SMG1: variants seen among roughly 807,000 people sequenced by gnomAD.
SMG1 encodes SMG1 nonsense mediated mRNA decay associated PI3K related kinase.
In SMG1, 22 loss-of-function variants were observed where a neutral mutation model predicts 419.9. The observed-to-expected ratio is 0.05, with a 90% CI of 0.04 to 0.07. SMG1 has a LOEUF of 0.07. Among genes scored for constraint, SMG1 ranks in the 10% least tolerant of loss-of-function variants. SMG1 has a pLI of 1.00. For synonymous variants in SMG1, 1,538 were observed against 1,553.5 expected, an observed-to-expected ratio of 0.99 and a Z score of 0.23; for missense variants, 3,185 against 4,342.0, an observed-to-expected ratio of 0.73 and a Z score of 7.49.
intron 56 of SMG1, among the ~76,000 whole-genome samples, chr16:18,817,753 T>A (rs866533359): frequency 5.9e-5 from 9 of 152,186 alleles, no homozygotes; most frequent in Admixed American, 2.0e-4. Flanking sequence ...TACTCCACAA[T>A]AAAGCTGTTA....
At chr16:18,881,561 C>T (rs2036398973) in intron 10 of SMG1, among the ~76,000 whole-genome samples, 1 of 152,116 alleles carries the variant, frequency 6.6e-6, no homozygotes, top group Non-Finnish European at 1.5e-5. Context: ...ATCACACATG[C>T]TTCTTTCTCC....
At chr16:18,846,832 G>A (rs1281462342) in intron 38 of SMG1, among the ~76,000 whole-genome samples, 2 of 152,162 alleles carry the variant, frequency 1.3e-5, no homozygotes, top group African/African-American at 4.8e-5. Context: ...TAAGTCAGAC[G>A]TAGAATTGCC....
In SMG1 at chr16:18,874,592, G is replaced by A. The variant is rs550612248; in HGVS notation, c.1890+1532C>T. Among the ~76,000 whole-genome samples the A allele has an allele frequency of 3.6e-4, 52 of 145,762 alleles. 1 individual carries two copies. In the South Asian group the frequency reaches 7.4e-3, roughly 21 times the overall value. ...AAAAAAAAAAAAAAGCAGGCTGGGC[G>A]CGGTGGCTCACGCCTGTAATTCCAG... On this transcript the variant is annotated intron_variant, in intron 13 of 62. Transcript: ENST00000446231.
intron 1 of SMG1, among the ~76,000 whole-genome samples, chr16:18,914,733 A>T (rs2037906908): frequency 6.6e-6 from 1 of 152,110 alleles, no homozygotes; most frequent in African/African-American, 2.4e-5. Flanking sequence ...ATCAGCAGGC[A>T]CGCAACTGAC....
chr16:18,917,804 C>T (rs2038035723), intron 1 of SMG1, among the ~76,000 whole-genome samples: 1 of 151,278 alleles, frequency 6.6e-6, no homozygotes, highest in Non-Finnish European at 1.5e-5. Flanking sequence ...CTCGAACTCC[C>T]CACCTCAGGA....
At chr16:18,871,621 A>C (rs980515287) in intron 15 of SMG1, 139 bp from the exon 16 acceptor site, 4 of 461,622 alleles carry the variant, frequency 8.7e-6, no homozygotes, top group Non-Finnish European at 1.6e-5. Flanking sequence ...TAAAAAAATG[A>C]AACTATAGAA....
chr16:18,815,411 T>C (rs538275534), intron 59 of SMG1, 29 bp downstream of exon 59: 2 of 1,609,978 alleles, frequency 1.2e-6, no homozygotes, highest in East Asian at 4.5e-5. Context: ...ACTTATGTTT[T>C]ATAAATTCTG....
intron 62 of SMG1, among the ~76,000 whole-genome samples, chr16:18,811,523 G>C (rs2031393692): frequency 6.6e-6 from 1 of 152,166 alleles, no homozygotes; most frequent in African/African-American, 2.4e-5. Flanking sequence ...AGGAGGATCG[G>C]ACTTATATTT....
chr16:18,827,000 C>A (rs1243242444), intron 55 of SMG1, among the ~76,000 whole-genome samples: 1 of 39,914 alleles, frequency 2.5e-5, no homozygotes, highest in Non-Finnish European at 7.1e-5. Context: ...GCGTAATATT[C>A]GGGTGGGAGT....
chr16:18,810,463 A>C (rs1471144791), intron 62 of SMG1, among the ~76,000 whole-genome samples: 5 of 152,206 alleles, frequency 3.3e-5, no homozygotes, highest in Admixed American at 6.5e-5. Context: ...AAGAAGTAGG[A>C]CAAGGATGGA....
intron 11 of SMG1, chr16:18,879,104 A>G (rs2036273284): frequency 1.1e-5 from 3 of 283,164 alleles, no homozygotes; most frequent in Admixed American, 5.0e-5. Context: ...TAATATAATA[A>G]AGCAAAGCCC....
At chr16:18,813,716 T>C (rs2031698654) in intron 60 of SMG1, among the ~76,000 whole-genome samples, 1 of 152,210 alleles carries the variant, frequency 6.6e-6, no homozygotes, top group African/African-American at 2.4e-5. Context: ...CTTTTGGTGT[T>C]TTAGACATGG....
chr16:18,916,077 AAAAAAAAAAAAACCAG>A (rs2037962150), intron 1 of SMG1, among the ~76,000 whole-genome samples: 3 of 122,680 alleles, frequency 2.4e-5, no homozygotes, highest in Non-Finnish European at 3.3e-5. Flanking sequence ...CTCAAAAAAA[AAAAAAAAAAAAACCAG>A]AAAAAAAAAA....
At chr16:18,916,091 C>CAAAAA (rs1207251735) in intron 1 of SMG1, among the ~76,000 whole-genome samples, 2 of 72,236 alleles carry the variant, frequency 2.8e-5, no homozygotes, top group African/African-American at 5.6e-5. Context: ...AAAAAAAAAC[C>CAAAAA]AGAAAAAAAA....
chr16:18,854,363 T>C (rs970875149), intron 30 of SMG1, among the ~76,000 whole-genome samples: 2 of 152,056 alleles, frequency 1.3e-5, no homozygotes, highest in African/African-American at 4.8e-5. Flanking sequence ...GCTCAGATTG[T>C]AAGCATAAGC....
chr16:18,884,846 T>C, intron 8 of SMG1: 1 of 494,082 alleles, frequency 2.0e-6, no homozygotes, highest in South Asian at 2.7e-5. Context: ...TACCATACAC[T>C]TTCCTACCAG....
In SMG1 at chr16:18,834,384, A is replaced by C. The variant is rs764150642; in HGVS notation, c.8385T>G (p.Asp2795Glu). ...ACCAGGCTCCATCCCGAGAAGTCAG[A>C]TCAACCAGCTGTTCTCCAGCACTTG... ...AASSAGEQLVDLTSRDGAWFL... is the reference protein window; with the variant it reads ...AASSAGEQLVELTSRDGAWFL... The change falls in exon 50 of 63, where the codon GAT becomes GAG. Residue 2795 changes from aspartate to glutamate, a missense_variant. Physicochemically the swap from Asp to Glu is conservative, Grantham distance 45 (BLOSUM62 2). Coordinates refer to ENST00000446231, the MANE Select transcript of SMG1 (RefSeq NM_015092.5). The C allele has an allele frequency of 1.2e-6, 2 of 1,613,926 alleles. No individual in the cohort carries two copies. Among genetic ancestry groups the C allele is most frequent in the Non-Finnish European group, 1.7e-6 (2 of 1,179,866 alleles).
In SMG1 at chr16:18,869,864, G is replaced by C; in HGVS notation, c.2623C>G (p.His875Asp). 6.3e-7 allele frequency: 1 copy of C among 1,583,874 alleles called. No homozygotes were observed. Among genetic ancestry groups the C allele is most frequent in the Non-Finnish European group, 8.6e-7 (1 of 1,167,970 alleles). Residue 875 changes from histidine to aspartate, a missense_variant, in exon 19 of 63, where the codon CAT becomes GAT. His to Asp is a moderately conservative substitution (Grantham distance 81). Around this residue, in one of 27 missense-constraint regions of SMG1, gnomAD observed 297 missense variants for 491.0 expected, o/e 0.60. Transcript: ENST00000446231. Reference sequence around the variant, plus strand: ...AAAGAAATGCCTTACCCTGTTCTATGAGAGTTCCCATACAAAATAAAACTA... The same window carrying C: ...AAAGAAATGCCTTACCCTGTTCTATCAGAGTTCCCATACAAAATAAAACTA... ...VISFILYGNS[H>D]RTGKDNWLER...
intron 56 of SMG1, among the ~76,000 whole-genome samples, chr16:18,818,133 A>G (rs1330787646): frequency 6.6e-6 from 1 of 152,004 alleles, no homozygotes; most frequent in African/African-American, 2.4e-5. Context: ...CTGTAATCCC[A>G]GCACTTTGGG....
Sources: allele counts gnomAD v4.1 joint callset (sites outside exome capture counted in the v4.1 genomes callset), GRCh38; gene constraint gnomAD v4.1.1; regional missense constraint gnomAD v4.1.1; transcripts MANE v1.5; gene names NCBI Gene and HGNC (gene_info 2026-07-23, HGNC 2026-07-21).